The following CD36 variants were observed in gnomAD, a reference collection of about 807,000 sequenced individuals.
CD36 encodes CD36 molecule (CD36 blood group).
Under a neutral mutation model 55.2 loss-of-function variants are expected in CD36, and 119 were observed. The observed-to-expected ratio is 2.15, with a 90% CI of 1.86 to 2.51. The LOEUF is 2.51. Ranked by LOEUF, CD36 falls within the 30% of genes most tolerant of loss-of-function variation. The pLI, the probability that CD36 is intolerant of heterozygous loss-of-function variation, is 0.00. For missense variants in CD36, 819 were observed against 555.5 expected, an observed-to-expected ratio of 1.47 and a Z score of -4.77; for synonymous variants, 186 against 193.6, an observed-to-expected ratio of 0.96 and a Z score of 0.33.
intron 1 of CD36, among the ~76,000 whole-genome samples, chr7:80,616,220 A>G (rs985831410): frequency 6.6e-6 from 1 of 152,166 alleles, no homozygotes; most frequent in Non-Finnish European, 1.5e-5. Flanking sequence ...AGCTTATCTT[A>G]TATGTGCTCA....
intron 1 of CD36, among the ~76,000 whole-genome samples, chr7:80,625,554 G>A (rs1334517): frequency 0.97 from 147,365 of 152,242 alleles, 71,356 homozygotes; most frequent in East Asian, 1. Flanking sequence ...TTTCAGATCT[G>A]TGCAATTCTA....
rs150444052 is a variant in CD36 at position 80,678,865 on chromosome 7, G to T, written c.*2482G>T. 6.6e-6 allele frequency: 1 copy of T among 151,102 alleles called. No individual in the cohort carries two copies. Among genetic ancestry groups the T allele is most frequent in the Admixed American group, 6.6e-5 (1 of 15,174 alleles). The allele number at this position is 151,102 out of a possible 1,614,324, so 9.4% of individuals were successfully genotyped here. A position where few individuals can be genotyped will look rare whatever the true frequency, so the allele number is the denominator to read the frequency against. On this transcript the variant is annotated 3_prime_UTR_variant, in exon 15 of 15. Coordinates refer to ENST00000447544, the MANE Select transcript of CD36 (RefSeq NM_001001548.3). ...CTCAAAAAAAAAAAACAGTATGCACGTACAAATTTCTTAACCTGTTATCAA... is the reference window on the plus strand; with the variant it reads ...CTCAAAAAAAAAAAACAGTATGCACTTACAAATTTCTTAACCTGTTATCAA...
At chr7:80,607,274 A>AAG (rs1554330815) in intron 1 of CD36, among the ~76,000 whole-genome samples, 3 of 151,980 alleles carry the variant, frequency 2.0e-5, no homozygotes, top group African/African-American at 7.3e-5. Flanking sequence ...CCTTTGAAAA[A>AAG]AAGAAGAAAA....
At chr7:80,629,719 T>C (rs1310082526) in intron 1 of CD36, among the ~76,000 whole-genome samples, 1 of 152,072 alleles carries the variant, frequency 6.6e-6, no homozygotes, top group Non-Finnish European at 1.5e-5. Flanking sequence ...TTCAGTTAAC[T>C]GAGATGGCTC....
intron 1 of CD36, among the ~76,000 whole-genome samples, chr7:80,604,937 T>A (rs1202393406): frequency 6.6e-6 from 1 of 152,080 alleles, no homozygotes; most frequent in African/African-American, 2.4e-5. Flanking sequence ...GTTCCTTTGG[T>A]CCCATGTTGG....
chr7:80,671,286 T>G, intron 10 of CD36, 122 bp downstream of exon 10: 1 of 661,168 alleles, frequency 1.5e-6, no homozygotes, highest in East Asian at 2.8e-5. Flanking sequence ...GTGATATTCT[T>G]TAAAATGAGA....
At chr7:80,640,368 T>C (rs149609622) in intron 1 of CD36, among the ~76,000 whole-genome samples, 1,834 of 152,186 alleles carry the variant, frequency 0.012, 37 homozygotes, top group African/African-American at 0.041. Flanking sequence ...TTTACTGTTA[T>C]GGTTTGAAAT....
chr7:80,672,984 A>ATTAAATGCTTATGACTAATTTC (rs1185238313), intron 12 of CD36, 141 bp downstream of exon 12: 6 of 684,206 alleles, frequency 8.8e-6, no homozygotes, highest in South Asian at 6.6e-5. Context: ...ACCAATCATT[A>ATTAAATGCTTATGACTAATTTC]TTAAATGCTT....
At chr7:80,659,606 A>G (rs547994100) in intron 4 of CD36, among the ~76,000 whole-genome samples, 80 of 152,196 alleles carry the variant, frequency 5.3e-4, no homozygotes, top group Non-Finnish European at 9.6e-4. Context: ...TTCCCTTTTT[A>G]AAACAACATT....
intron 1 of CD36, among the ~76,000 whole-genome samples, chr7:80,613,547 A>C: frequency 6.6e-6 from 1 of 152,152 alleles, no homozygotes; most frequent in Non-Finnish European, 1.5e-5. Flanking sequence ...GGAATAAAAC[A>C]TGCAGCTCTG....
rs1562822948 is a variant in CD36 at position 80,671,920 on chromosome 7, A to G, written c.1007-2A>G. ...CAATTGACTCTTAAAACTTGTCTTC[A>G]GGGAGACCTGTGTACATTTCACTTC... On this transcript the variant is annotated splice_acceptor_variant, in intron 10 of 14. Transcript: ENST00000447544. LOFTEE classifies it high-confidence loss of function. 6 of 1,610,840 alleles carry G rather than the reference A, an allele frequency of 3.7e-6. No individual in the cohort carries two copies. Among genetic ancestry groups the G allele is most frequent in the Middle Eastern group, 3.4e-4 (2 of 5,952 alleles).
chr7:80,651,453 A>C (rs1795614273), intron 3 of CD36, among the ~76,000 whole-genome samples: 1 of 152,184 alleles, frequency 6.6e-6, no homozygotes, highest in Non-Finnish European at 1.5e-5. Flanking sequence ...GAACACCAAA[A>C]AAGGAATTAT....
intron 3 of CD36, among the ~76,000 whole-genome samples, chr7:80,654,979 T>C (rs1562800014): frequency 6.6e-6 from 1 of 152,072 alleles, no homozygotes. Context: ...ACTGTTTGCC[T>C]AGGCTGTCCT....
At chr7:80,606,097 G>A (rs935203999) in intron 1 of CD36, among the ~76,000 whole-genome samples, 1 of 152,052 alleles carries the variant, frequency 6.6e-6, no homozygotes, top group African/African-American at 2.4e-5. Flanking sequence ...TTAAAATATT[G>A]TCTAAATATT....
chr7:80,644,909 C>A (rs564438755), intron 1 of CD36, among the ~76,000 whole-genome samples: 1 of 152,070 alleles, frequency 6.6e-6, no homozygotes, highest in African/African-American at 2.4e-5. Flanking sequence ...GACAAAATGT[C>A]ATTGCAACAA....
chr7:80,615,080 A>G (rs1423697646), intron 1 of CD36, among the ~76,000 whole-genome samples: 1 of 152,064 alleles, frequency 6.6e-6, no homozygotes, highest in Non-Finnish European at 1.5e-5. Flanking sequence ...CTGCCACTAC[A>G]AACTGCAAGC....
At chr7:80,665,709 CTG>C (rs1164284846) in intron 7 of CD36, among the ~76,000 whole-genome samples, 1 of 152,058 alleles carries the variant, frequency 6.6e-6, no homozygotes, top group African/African-American at 2.4e-5. Flanking sequence ...CATGGCAAGA[CTG>C]AACATGATTA....
intron 1 of CD36, among the ~76,000 whole-genome samples, chr7:80,608,030 A>G (rs1215986662): frequency 6.6e-6 from 1 of 152,068 alleles, no homozygotes; most frequent in Non-Finnish European, 1.5e-5. Context: ...TCGGCCTCTC[A>G]AAGTGCTGGG....
chr7:80,639,572 G>A (rs1198437881), intron 1 of CD36, among the ~76,000 whole-genome samples: 1 of 151,786 alleles, frequency 6.6e-6, no homozygotes, highest in East Asian at 1.9e-4. Context: ...ACTGTAAATG[G>A]CATAAATTCT....
Sources: allele counts gnomAD v4.1 joint callset (sites outside exome capture counted in the v4.1 genomes callset), GRCh38; gene constraint gnomAD v4.1.1; transcripts MANE v1.5; gene names NCBI Gene and HGNC (gene_info 2026-07-23, HGNC 2026-07-21).